HEMK2: variants seen among roughly 807,000 people sequenced by gnomAD.
HEMK2 encodes the protein methyltransferase HEMK2.
the HEMK2 span, among the ~76,000 whole-genome samples, chr21:28,850,927 G>A: frequency 6.6e-6 from 1 of 151,996 alleles, no homozygotes; most frequent in Non-Finnish European, 1.5e-5. Flanking sequence ...CAGGAGTGGA[G>A]ACCATGGGCA....
At chr21:28,693,763 A>G in the HEMK2 span, among the ~76,000 whole-genome samples, 100 of 152,338 alleles carry the variant, frequency 6.6e-4, no homozygotes, top group Admixed American at 1.8e-3. Context: ...TGAGGATAAC[A>G]GTGACACATT....
the HEMK2 span, among the ~76,000 whole-genome samples, chr21:28,753,396 T>G: frequency 2.6e-5 from 4 of 151,688 alleles, no homozygotes; most frequent in African/African-American, 7.3e-5. Context: ...CGCACATGTT[T>G]ACATTTTTCC....
At chr21:28,604,480 G>A in the HEMK2 span, among the ~76,000 whole-genome samples, 7 of 152,304 alleles carry the variant, frequency 4.6e-5, no homozygotes, top group South Asian at 1.4e-3. Flanking sequence ...TTCCCTATAT[G>A]AGAAAGACAG....
At chr21:28,866,889 A>G in the HEMK2 span, among the ~76,000 whole-genome samples, 3 of 152,352 alleles carry the variant, frequency 2.0e-5, no homozygotes, top group African/African-American at 7.2e-5. Context: ...TTAAATGACA[A>G]TAAAGCAAAA....
the HEMK2 span, among the ~76,000 whole-genome samples, chr21:28,802,471 T>C: frequency 4.6e-5 from 7 of 152,208 alleles, no homozygotes; most frequent in Non-Finnish European, 1.0e-4. Context: ...CTCAGGCCTG[T>C]AATCTCAGCA....
the HEMK2 span, among the ~76,000 whole-genome samples, chr21:28,822,655 A>G: frequency 1.3e-5 from 2 of 152,034 alleles, no homozygotes; most frequent in African/African-American, 4.8e-5. Flanking sequence ...GCTATGAAAA[A>G]GCTGAGGAAC....
At chr21:28,711,842 G>A in the HEMK2 span, among the ~76,000 whole-genome samples, 1 of 152,118 alleles carries the variant, frequency 6.6e-6, no homozygotes, top group African/African-American at 2.4e-5. Flanking sequence ...AGATCAGGGT[G>A]CCCATATTTT....
the HEMK2 span, among the ~76,000 whole-genome samples, chr21:28,841,178 A>T: frequency 9.6e-5 from 2 of 20,864 alleles, no homozygotes; most frequent in African/African-American, 3.6e-4. Context: ...ATAATATATA[A>T]ATATATATTA....
the HEMK2 span, among the ~76,000 whole-genome samples, chr21:28,706,320 A>T: frequency 6.6e-6 from 1 of 152,230 alleles, no homozygotes; most frequent in Admixed American, 6.5e-5. Flanking sequence ...TGGTTTGGTT[A>T]CATTGAAGGA....
the HEMK2 span, among the ~76,000 whole-genome samples, chr21:28,576,489 A>G: frequency 0.47 from 70,788 of 151,712 alleles, 20,510 homozygotes; most frequent in Non-Finnish European, 0.64. Flanking sequence ...TATTTGCCAG[A>G]TATATGTATT....
At chr21:28,712,994 C>G in the HEMK2 span, among the ~76,000 whole-genome samples, 1 of 152,134 alleles carries the variant, frequency 6.6e-6, no homozygotes, top group Non-Finnish European at 1.5e-5. Context: ...GCAAAAGGTA[C>G]ACTAAGGTTT....
chr21:28,611,919 A>AG, the HEMK2 span, among the ~76,000 whole-genome samples: 2 of 151,656 alleles, frequency 1.3e-5, no homozygotes, highest in Non-Finnish European at 2.9e-5. Context: ...CTCAAAAAAA[A>AG]AAAAAAAAAA....
chr21:28,681,255 T>C, the HEMK2 span, among the ~76,000 whole-genome samples: 8 of 152,074 alleles, frequency 5.3e-5, no homozygotes, highest in African/African-American at 1.9e-4. Context: ...TATACACCAA[T>C]AAGAGACAAA....
chr21:28,824,293 G>A, the HEMK2 span, among the ~76,000 whole-genome samples: 1 of 152,108 alleles, frequency 6.6e-6, no homozygotes, highest in Admixed American at 6.6e-5. Context: ...CTAGACTTTA[G>A]GTTCTATCAG....
chr21:28,686,147 G>T, the HEMK2 span, among the ~76,000 whole-genome samples: 998 of 152,294 alleles, frequency 6.6e-3, 7 homozygotes, highest in Non-Finnish European at 0.011. Flanking sequence ...GTGAAGGAGA[G>T]AATCTGTTAT....
the HEMK2 span, among the ~76,000 whole-genome samples, chr21:28,722,381 G>A: frequency 6.6e-6 from 1 of 152,294 alleles, no homozygotes; most frequent in African/African-American, 2.4e-5. Flanking sequence ...GAGTCCGATG[G>A]AAGAGGCAGA....
the HEMK2 span, among the ~76,000 whole-genome samples, chr21:28,836,270 C>A: frequency 6.6e-6 from 1 of 152,134 alleles, no homozygotes; most frequent in Non-Finnish European, 1.5e-5. Context: ...CAAAACCTAT[C>A]AGATTAACAG....
At chr21:28,881,381 A>T in the HEMK2 span, among the ~76,000 whole-genome samples, 1 of 152,202 alleles carries the variant, frequency 6.6e-6, no homozygotes, top group Non-Finnish European at 1.5e-5. Flanking sequence ...AGGTTGAGAG[A>T]TAGGCACATA....
the HEMK2 span, among the ~76,000 whole-genome samples, chr21:28,719,139 A>C: frequency 2.0e-5 from 3 of 152,136 alleles, no homozygotes; most frequent in Non-Finnish European, 4.4e-5. Context: ...TTTTGACTTC[A>C]TCTCCAGCCC....
Sources: allele counts gnomAD v4.1 joint callset (sites outside exome capture counted in the v4.1 genomes callset), GRCh38; gene constraint gnomAD v4.1.1; transcripts MANE v1.5; gene names NCBI Gene and HGNC (gene_info 2026-07-23, HGNC 2026-07-21).